Variants in COL28A1 observed in about 807,000 individuals in gnomAD.
COL28A1 encodes collagen type XXVIII alpha 1 chain.
In COL28A1, 161 loss-of-function variants were observed where a neutral mutation model predicts 150.2. That is an observed-to-expected ratio of 1.07 (90% CI 0.94 to 1.22). COL28A1 has a LOEUF of 1.22. Among genes scored for constraint, COL28A1 ranks in the 50% most tolerant of loss-of-function variants. The pLI is 0.00. For synonymous variants in COL28A1, 552 were observed against 469.7 expected (o/e 1.18, Z -2.26); for missense variants, 1,617 against 1,388.3 (o/e 1.16, Z -2.62).
At chr7:7,473,961 GTA>G (rs1016566914) in intron 15 of COL28A1, among the ~76,000 whole-genome samples, 1 of 148,042 alleles carries the variant, frequency 6.8e-6, no homozygotes, top group African/African-American at 2.5e-5. Flanking sequence ...TATATATACA[GTA>G]TATATAGTGT....
chr7:7,402,641 CTT>C (rs1783272800), intron 27 of COL28A1, among the ~76,000 whole-genome samples: 1 of 152,172 alleles, frequency 6.6e-6, no homozygotes, highest in Non-Finnish European at 1.5e-5. Flanking sequence ...ACAAGACCAA[CTT>C]ATCTTTTATA....
At chr7:7,462,320 T>A (rs1361870367) in intron 15 of COL28A1, among the ~76,000 whole-genome samples, 1 of 152,130 alleles carries the variant, frequency 6.6e-6, no homozygotes. Context: ...GAAACAAGGT[T>A]GTTTAACACC....
chr7:7,532,981 C>G (rs1238742987), intron 1 of COL28A1, 69 bp from the exon 2 acceptor site: 2 of 1,369,620 alleles, frequency 1.5e-6, no homozygotes, highest in Non-Finnish European at 1.9e-6. Flanking sequence ...AATTTCAAGC[C>G]AGCAGGGTTG....
intron 22 of COL28A1, among the ~76,000 whole-genome samples, 167 bp from the exon 23 acceptor site, chr7:7,436,630 T>C (rs1206252777): frequency 1.3e-5 from 2 of 152,146 alleles, no homozygotes; most frequent in Non-Finnish European, 2.9e-5. Flanking sequence ...AAATCCTAAG[T>C]AAATAACACC....
At chr7:7,490,124 C>T (rs1015094687) in intron 12 of COL28A1, among the ~76,000 whole-genome samples, 2 of 152,152 alleles carry the variant, frequency 1.3e-5, no homozygotes, top group African/African-American at 4.8e-5. Flanking sequence ...ACAGGATGGA[C>T]GTTCCTTCCT....
intron 19 of COL28A1, among the ~76,000 whole-genome samples, chr7:7,444,007 T>TTG (rs1554274072): frequency 1.3e-5 from 2 of 148,720 alleles, no homozygotes; most frequent in African/African-American, 4.9e-5. Context: ...TTTTTTTTTT[T>TTG]GCTACTTTTA....
At chr7:7,357,662 GA>G (rs1384337191), downstream of COL28A1, 78 of 147,286 alleles carry the variant, frequency 5.3e-4, no homozygotes, top group African/African-American at 1.1e-3. Flanking sequence ...CTGTCTGGGG[GA>G]AAAAAAAAAA....
Position 7,373,214 on chromosome 7 carries a change from C to G in COL28A1, c.2692G>C (p.Val898Leu). Residue 898 changes from valine to leucine, a missense_variant, in exon 32 of 35, where the codon GTG becomes CTG. Val to Leu is a conservative substitution (Grantham distance 32). Transcript: ENST00000399429. This position sits in a 1 kb window ranked among gnomAD's most constrained non-coding sequence, Gnocchi z 4.1. ...FEDARPGVKKVALVITDGQTD... is the reference protein window; with the variant it reads ...FEDARPGVKKLALVITDGQTD... ...TGTCCATCAGTGATGACCAAGGCCA[C>G]TTTTTTTACACCTGGCCTTGCATCT... 2 of 1,614,196 alleles carry G rather than the reference C, an allele frequency of 1.2e-6. No homozygotes were observed. Among genetic ancestry groups the G allele is most frequent in the Non-Finnish European group, 1.7e-6 (2 of 1,180,034 alleles).
At chr7:7,416,875 TACTG>T (rs777258090) in intron 27 of COL28A1, among the ~76,000 whole-genome samples, 13 of 152,326 alleles carry the variant, frequency 8.5e-5, no homozygotes, top group African/African-American at 1.2e-4. Flanking sequence ...TACTGTCTCC[TACTG>T]ACTAAGAAGT....
In COL28A1 at chr7:7,373,008, A is replaced by G; in HGVS notation, c.2898T>C (p.Phe966=). 1 of 1,613,350 alleles carries G rather than the reference A, an allele frequency of 6.2e-7. No individual in the cohort carries two copies. Among genetic ancestry groups the G allele is most frequent in the Non-Finnish European group, 8.5e-7 (1 of 1,179,550 alleles). ...GATAGCCTTCCTTACCTTGCAGGGT[A>G]AAGAAATCATCAAACTGGTAAACAT... ...PEHVYQFDDF[F]TLQDTLKQKL... The change falls in exon 32 of 35, where the codon TTT becomes TTC. Residue 966 remains phenylalanine (F), a synonymous_variant. Transcript: ENST00000399429. The surrounding 1 kb of genome is among the most constrained non-coding windows in gnomAD (Gnocchi z 4.1).
At position 7,456,694 on chromosome 7, in the gene COL28A1, G is replaced by T. The variant is rs115717027; in HGVS notation, c.1303-582C>A. Reference sequence around the variant, plus strand: ...TTTCTGTGTCTTTATACAGGTGTTTGTTGAGTGCCCATTATAAGCCAGAAA... The same window carrying T: ...TTTCTGTGTCTTTATACAGGTGTTTTTTGAGTGCCCATTATAAGCCAGAAA... On this transcript the variant is annotated intron_variant, in intron 15 of 34. Transcript: ENST00000399429. Among the ~76,000 whole-genome samples, 510 of 152,280 alleles carry T rather than the reference G, an allele frequency of 3.3e-3. 4 individuals carry two copies. Among genetic ancestry groups the T allele is most frequent in the African/African-American group, 0.012 (499 of 41,566 alleles).
intron 16 of COL28A1, among the ~76,000 whole-genome samples, chr7:7,455,549 CCCCT>C (rs1241919427): frequency 2.2e-3 from 331 of 152,188 alleles, no homozygotes; most frequent in African/African-American, 7.4e-3. Context: ...CAGAAGTTTG[CCCCT>C]TAAACTAAGT....
intron 25 of COL28A1, among the ~76,000 whole-genome samples, chr7:7,426,060 TTG>T (rs370497201): frequency 2.0e-5 from 3 of 152,294 alleles, no homozygotes; most frequent in African/African-American, 7.2e-5. Context: ...CAAGATATAC[TTG>T]TTCCAAAAGT....
At chr7:7,398,432 A>G (rs953708444) in intron 27 of COL28A1, among the ~76,000 whole-genome samples, 1 of 152,260 alleles carries the variant, frequency 6.6e-6, no homozygotes, top group African/African-American at 2.4e-5. Flanking sequence ...TCTCAGCAAC[A>G]GTCAAGCCAC....
intron 9 of COL28A1, among the ~76,000 whole-genome samples, chr7:7,508,132 T>C (rs1302788568): frequency 6.6e-6 from 1 of 151,624 alleles, no homozygotes; most frequent in Non-Finnish European, 1.5e-5. Context: ...CTGGGGAGGC[T>C]GAGGCAGGAG....
chr7:7,492,028 CTT>C (rs887605668), intron 11 of COL28A1, among the ~76,000 whole-genome samples: 1 of 152,126 alleles, frequency 6.6e-6, no homozygotes, highest in Admixed American at 6.6e-5. Context: ...GCTGAACACT[CTT>C]TATGTTTCAG....
At chr7:7,424,315 T>G (rs1784536294) in intron 25 of COL28A1, among the ~76,000 whole-genome samples, 1 of 152,180 alleles carries the variant, frequency 6.6e-6, no homozygotes, top group African/African-American at 2.4e-5. Context: ...CTTTTGTGGT[T>G]CCATGGGCCG....
rs777391660 is a variant in COL28A1 at position 7,373,275 on chromosome 7, T to C, written c.2631A>G (p.Thr877=). ...CGTTGGCTGCTTGCAGAGCAGTGGCTGTGTATGTGCCTTCCCCCAGATACT... is the reference window on the plus strand; with the variant it reads ...CGTTGGCTGCTTGCAGAGCAGTGGCCGTGTATGTGCCTTCCCCCAGATACT... The part of the protein sequence containing the change: ...NMQYLGEGTY[T]ATALQAANDM... Residue 877 remains threonine, a synonymous_variant, in exon 32 of 35, where the codon ACA becomes ACG. Coordinates refer to ENST00000399429, the MANE Select transcript of COL28A1 (RefSeq NM_001037763.3). The surrounding 1 kb of genome is among the most constrained non-coding windows in gnomAD (Gnocchi z 4.1). The C allele has an allele frequency of 2.2e-5, 36 of 1,614,184 alleles. No individual in the cohort carries two copies. The East Asian group carries it at 7.4e-4, about 33-fold the overall frequency.
chr7:7,431,270 G>C (rs1784952471), intron 25 of COL28A1: 1 of 203,484 alleles, frequency 4.9e-6, no homozygotes, highest in South Asian at 7.5e-5. Flanking sequence ...ACAAGTTGTA[G>C]AGCTCCTACT....
Sources: gnomAD v4.1 joint callset for allele counts (sites outside exome capture counted in the v4.1 genomes callset) on GRCh38, gnomAD v4.1.1 for gene constraint, Gnocchi (gnomAD v3.1) non-coding constraint, MANE v1.5 for transcripts, NCBI Gene and HGNC (gene_info 2026-07-23, HGNC 2026-07-21) for gene names.